The following ICA1L variants were observed in gnomAD, a reference collection of about 807,000 sequenced individuals.
The protein encoded by ICA1L is islet cell autoantigen 1-like protein.
Under a neutral mutation model 61.3 loss-of-function variants are expected in ICA1L, and 50 were observed. The observed-to-expected ratio is 0.82, with a 90% confidence interval of 0.65 to 1.03. ICA1L has a LOEUF of 1.03. Ranked by LOEUF, ICA1L falls within the 50% of genes least tolerant of loss-of-function variation. ICA1L has a pLI of 0.00. For synonymous variants in ICA1L, 161 were observed against 191.3 expected (o/e 0.84, Z 1.31); for missense variants, 508 against 556.7 (o/e 0.91, Z 0.88).
intron 8 of ICA1L, among the ~76,000 whole-genome samples, 162 bp downstream of exon 8, chr2:202,814,540 A>T (rs1693475538): frequency 6.6e-6 from 1 of 152,240 alleles, no homozygotes; most frequent in African/African-American, 2.4e-5. Flanking sequence ...GTATCCTGTT[A>T]TAGCAACACA....
At chr2:202,784,018 G>A (rs1692498256) in intron 12 of ICA1L, among the ~76,000 whole-genome samples, 1 of 152,122 alleles carries the variant, frequency 6.6e-6, no homozygotes, top group Non-Finnish European at 1.5e-5. Context: ...CTTTCTATAA[G>A]TCTGAAATTA....
intron 1 of ICA1L, among the ~76,000 whole-genome samples, chr2:202,834,873 T>C (rs1694105521): frequency 6.6e-6 from 1 of 152,098 alleles, no homozygotes; most frequent in Non-Finnish European, 1.5e-5. Context: ...CTCTGTTGCC[T>C]GGGTTAGAGT....
At chr2:202,834,002 A>G (rs1243256265) in intron 1 of ICA1L, among the ~76,000 whole-genome samples, 1 of 152,208 alleles carries the variant, frequency 6.6e-6, no homozygotes, top group Non-Finnish European at 1.5e-5. Flanking sequence ...AAGGGACTAT[A>G]GTTAATAACA....
At chr2:202,855,523 T>C (rs1694744756) in intron 1 of ICA1L, among the ~76,000 whole-genome samples, 3 of 152,078 alleles carry the variant, frequency 2.0e-5, no homozygotes, top group African/African-American at 7.2e-5. Flanking sequence ...GGAAATAAAC[T>C]AGAAAATCTA....
chr2:202,863,978 AAACT>A (rs536212195), intron 1 of ICA1L, among the ~76,000 whole-genome samples: 19 of 152,318 alleles, frequency 1.2e-4, no homozygotes, highest in Admixed American at 3.3e-4. Context: ...AACTTACCAA[AAACT>A]AACACAAGAA....
chr2:202,853,363 A>G (rs1694684250), intron 1 of ICA1L, among the ~76,000 whole-genome samples: 1 of 152,068 alleles, frequency 6.6e-6, no homozygotes, highest in African/African-American at 2.4e-5. Context: ...TCAAAAAAAA[A>G]AAAAAAAAGA....
intron 12 of ICA1L, among the ~76,000 whole-genome samples, chr2:202,784,470 A>G (rs1248070094): frequency 6.6e-6 from 1 of 152,204 alleles, no homozygotes; most frequent in Non-Finnish European, 1.5e-5. Flanking sequence ...ATATGAATCT[A>G]TATTGATAAT....
chr2:202,830,270 T>C (rs187737516), intron 1 of ICA1L, among the ~76,000 whole-genome samples: 38 of 152,202 alleles, frequency 2.5e-4, no homozygotes, highest in African/African-American at 7.9e-4. Context: ...TAGCCGGGCA[T>C]GGTGGCACGT....
chr2:202,842,178 G>A (rs550887548), intron 1 of ICA1L, among the ~76,000 whole-genome samples: 1 of 152,240 alleles, frequency 6.6e-6, no homozygotes, highest in South Asian at 2.1e-4. Context: ...ATTTTTAATA[G>A]TTTTGTTTTT....
Position 202,816,023 on chromosome 2 carries a change from A to G in ICA1L, c.685-14T>C. 6.5e-7 allele frequency: 1 copy of G among 1,539,678 alleles called. No homozygotes were observed. Among genetic ancestry groups the G allele is most frequent in the Non-Finnish European group, 8.8e-7 (1 of 1,130,446 alleles). ...AAGCAGTGTTCTCTGCAAAAAAAGAAAAGGTGACACTACAGTTCTGCTTCC... is the reference window on the plus strand; with the variant it reads ...AAGCAGTGTTCTCTGCAAAAAAAGAGAAGGTGACACTACAGTTCTGCTTCC... On this transcript the variant is annotated splice_polypyrimidine_tract_variant and intron_variant, in intron 6 of 12. Transcript: ENST00000358299.
chr2:202,865,876 C>A (rs867893183), intron 1 of ICA1L, among the ~76,000 whole-genome samples: 6 of 152,124 alleles, frequency 3.9e-5, no homozygotes, highest in South Asian at 2.1e-4. Flanking sequence ...ATTCCCCTCG[C>A]CTAGACTTCC....
At chr2:202,864,644 T>C (rs1687431615) in intron 1 of ICA1L, among the ~76,000 whole-genome samples, 1 of 152,082 alleles carries the variant, frequency 6.6e-6, no homozygotes, top group African/African-American at 2.4e-5. Flanking sequence ...TGTGTGTGTG[T>C]GTGTATATAT....
At position 202,821,452 on chromosome 2, in the gene ICA1L, G is replaced by C. The variant is rs772272343; in HGVS notation, c.265C>G (p.Leu89Val). The change falls in exon 4 of 13, where the codon CTC (leucine) becomes GTC (valine). Residue 89 changes from leucine (L) to valine (V), a missense_variant. Coordinates refer to ENST00000358299, the MANE Select transcript of ICA1L (RefSeq NM_001288622.3). ...VISEEENELGLFLKFQAERDA... is the reference protein window; with the variant it reads ...VISEEENELGVFLKFQAERDA... ...CGTTCTGCTTGAAATTTTAAAAAGA[G>C]CCCTAGCTCATTTTCTTCCTCTGAT... 1.8e-5 allele frequency: 29 copies of C among 1,610,826 alleles called. No individual in the cohort carries two copies. Among genetic ancestry groups the C allele is most frequent in the Non-Finnish European group, 2.2e-5 (26 of 1,178,704 alleles).
intron 12 of ICA1L, among the ~76,000 whole-genome samples, chr2:202,782,360 A>G (rs1021203012): frequency 2.0e-5 from 3 of 151,762 alleles, no homozygotes; most frequent in African/African-American, 7.2e-5. Flanking sequence ...AACAAAAACA[A>G]AAACAAAACA....
chr2:202,812,028 C>A (rs747317595), intron 8 of ICA1L, among the ~76,000 whole-genome samples: 7 of 152,128 alleles, frequency 4.6e-5, no homozygotes, highest in Admixed American at 6.5e-5. Context: ...AAGCACCAGG[C>A]ATCATGCTCA....
chr2:202,828,722 T>C (rs576395002), intron 2 of ICA1L, 126 bp downstream of exon 2: 3 of 792,394 alleles, frequency 3.8e-6, no homozygotes, highest in Non-Finnish European at 6.2e-6. Flanking sequence ...TGGATACAAC[T>C]AAACATTCTA....
At chr2:202,820,642 C>CTGCT (rs1693674791) in intron 4 of ICA1L, among the ~76,000 whole-genome samples, 2 of 152,136 alleles carry the variant, frequency 1.3e-5, no homozygotes, top group African/African-American at 4.8e-5. Context: ...AGGATGAGGA[C>CTGCT]AAGATAACAA....
chr2:202,822,143 G>T (rs971297203), intron 3 of ICA1L, among the ~76,000 whole-genome samples: 2 of 152,080 alleles, frequency 1.3e-5, no homozygotes, highest in Non-Finnish European at 2.9e-5. Context: ...CATTTTTCAC[G>T]TATTTTATTT....
At chr2:202,801,934 C>T (rs574249557) in intron 9 of ICA1L, among the ~76,000 whole-genome samples, 41 of 152,268 alleles carry the variant, frequency 2.7e-4, no homozygotes, top group African/African-American at 7.7e-4. Flanking sequence ...AGGAGTCCCA[C>T]AGATTAAGAG....
Sources: allele counts gnomAD v4.1 joint callset (sites outside exome capture counted in the v4.1 genomes callset), GRCh38; gene constraint gnomAD v4.1.1; transcripts MANE v1.5; gene names NCBI Gene and HGNC (gene_info 2026-07-23, HGNC 2026-07-21).